Variants in TNXB observed in about 807,000 individuals in gnomAD.
The protein encoded by TNXB is tenascin-X.
Under a neutral mutation model 340.5 loss-of-function variants are expected in TNXB, and 183 were observed. The ratio of observed to expected loss-of-function variants is 0.54; its 90% CI spans 0.48 to 0.61. The LOEUF is 0.61. TNXB is among the 20% of genes least tolerant of loss of function. The pLI is 0.00. For synonymous variants in TNXB, 2,121 were observed against 2,314.5 expected, an observed-to-expected ratio of 0.92 and a Z score of 2.40; for missense variants, 4,613 against 5,446.4, an observed-to-expected ratio of 0.85 and a Z score of 4.82.
rs957607491 is a variant in TNXB, at chr6:32,073,136, C to T, written c.4681+511G>A. 3.9e-5 allele frequency among the ~76,000 whole-genome samples: 6 copies of T among 151,978 alleles called. No homozygotes were observed. The highest frequency in any genetic ancestry group is 1.5e-4 in the African/African-American group (6 of 41,358). On this transcript the variant is annotated intron_variant, in intron 12 of 43. Transcript: ENST00000644971. This position sits in a 1 kb window ranked among gnomAD's most constrained non-coding sequence, Gnocchi z 4.6. The stretch of plus-strand genomic sequence containing the variant: ...GAAGCCATGAGGGGCAGGAAGGAGC[C>T]CAGAGCAAGAGTGAGGCAGCCTCCT...
At position 32,052,815 on chromosome 6, in the gene TNXB, G is replaced by T. The variant is rs759178833; in HGVS notation, c.8970C>A (p.Asp2990Glu). 6.2e-7 allele frequency: 1 copy of T among 1,613,664 alleles called. No homozygotes were observed. Among genetic ancestry groups the T allele is most frequent in the Non-Finnish European group, 8.5e-7 (1 of 1,179,876 alleles). Reference protein sequence around the residue: ...DSFTVQYKDRDGRPQVVRVRG... With the variant: ...DSFTVQYKDREGRPQVVRVRG... ...TGACACGCACCACCTGGGGCCGCCC[G>T]TCCCTGTCCTTGTACTGCACAGTGA... The change falls in exon 26 of 44, where the codon GAC becomes GAA. Residue 2990 changes from aspartate (D) to glutamate (E), a missense_variant. Physicochemically the swap from Asp to Glu is conservative, Grantham distance 45. This residue lies in a region of TNXB where 4,327 missense variants were observed against 4,859.4 expected (regional missense o/e 0.89). Coordinates refer to ENST00000644971, the MANE Select transcript of TNXB (RefSeq NM_001365276.2). The surrounding 1 kb of genome is among the most constrained non-coding windows in gnomAD (Gnocchi z 4.7).
Position 32,056,680 on chromosome 6 carries a change from G to A in TNXB, c.8049C>T (p.Ile2683=). ...RVPGHEDGVT[I]SGLEPDHKYK... Reference sequence around the variant, plus strand: ...ATTTATGGTCTGGCTCCAGGCCTGAGATGGTGACCCCGTCCTCGTGCCCCG... The same window carrying A: ...ATTTATGGTCTGGCTCCAGGCCTGAAATGGTGACCCCGTCCTCGTGCCCCG... The change falls in exon 23 of 44, where the codon ATC becomes ATT. Residue 2683 remains isoleucine (I), a synonymous_variant. Coordinates refer to ENST00000644971, the MANE Select transcript of TNXB (RefSeq NM_001365276.2). 1 of 1,613,138 alleles carries A rather than the reference G, an allele frequency of 6.2e-7. No individual in the cohort carries two copies. Among genetic ancestry groups the A allele is most frequent in the South Asian group, 1.1e-5 (1 of 91,090 alleles).
rs41267130 is a variant in TNXB at position 32,046,128 on chromosome 6, G to A, written c.10606+47C>T. On this transcript the variant is annotated intron_variant, in intron 31 of 43. Transcript: ENST00000644971. This position sits in a 1 kb window ranked among gnomAD's most constrained non-coding sequence, Gnocchi z 6.9. Reference sequence around the variant, plus strand: ...TTTGTCTTCAGCCCAAATGCACAAGGAAACCCACACAAGCTGGCTTGCTAT... The same window carrying A: ...TTTGTCTTCAGCCCAAATGCACAAGAAAACCCACACAAGCTGGCTTGCTAT... 33 of 1,553,476 alleles carry A rather than the reference G, an allele frequency of 2.1e-5. No individual in the cohort carries two copies. The highest frequency in any genetic ancestry group is 2.7e-5 in the African/African-American group (2 of 73,842).
intron 4 of TNXB, among the ~76,000 whole-genome samples, chr6:32,092,864 C>T (rs900985867): frequency 1.3e-5 from 2 of 152,140 alleles, no homozygotes; most frequent in East Asian, 1.9e-4. Context: ...TTTCCACACC[C>T]AGGCTCAGAG....
intron 1 of TNXB, among the ~76,000 whole-genome samples, chr6:32,101,588 C>CTTTTTT (rs58601681): frequency 7.9e-6 from 1 of 126,220 alleles, no homozygotes; most frequent in Admixed American, 8.1e-5. Flanking sequence ...CGCACCCAGC[C>CTTTTTT]TTTTTTTTTT....
intron 23 of TNXB, 63 bp from the exon 24 acceptor site, chr6:32,056,237 G>T: frequency 6.5e-7 from 1 of 1,543,534 alleles, no homozygotes. Context: ...GTCTTCAAGG[G>T]AAGGAGGGAG....
At chr6:32,050,425 C>G in intron 26 of TNXB, 104 bp from the exon 27 acceptor site, 1 of 1,411,510 alleles carries the variant, frequency 7.1e-7, no homozygotes, top group Non-Finnish European at 9.7e-7. Context: ...ACGATGCTGC[C>G]CACAGCGCCT....
At chr6:32,088,675 A>C in intron 6 of TNXB, 110 bp downstream of exon 6, 1 of 1,451,346 alleles carries the variant, frequency 6.9e-7, no homozygotes, top group Non-Finnish European at 9.2e-7. Context: ...ACTGCCACAC[A>C]CCTGCCAGAA....
Position 32,087,949 on chromosome 6 carries a change from G to A in TNXB, c.2779+836C>T. 3.2e-6 allele frequency: 1 copy of A among 310,076 alleles called. No homozygotes were observed. Among genetic ancestry groups the A allele is most frequent in the Non-Finnish European group, 6.3e-6 (1 of 159,768 alleles). 19.2% of individuals were successfully genotyped at this position (310,076 alleles called of 1,614,324 possible). A position where few individuals can be genotyped will look rare whatever the true frequency, so the allele number is the denominator to read the frequency against. On this transcript the variant is annotated intron_variant, in intron 6 of 43. Transcript: ENST00000644971. The surrounding 1 kb of genome is among the most constrained non-coding windows in gnomAD (Gnocchi z 9.0). ...TGGCCGGGGCCGGGACTTGGGGGGC[G>A]GGGCTGGGGGGCGCACCTCCGGGTA...
At position 32,097,324 on chromosome 6, in the gene TNXB, G is replaced by A. The variant is rs369052118; in HGVS notation, c.529C>T (p.Pro177Ser). The change falls in exon 3 of 44, where the codon CCC becomes TCC. Residue 177 changes from proline to serine, a missense_variant. This residue lies in a region of TNXB where 4,327 missense variants were observed against 4,859.4 expected (regional missense o/e 0.89). Transcript: ENST00000644971. The surrounding 1 kb of genome is among the most constrained non-coding windows in gnomAD (Gnocchi z 5.9). ...CCCGAGGCTGAGGGTGGGGAAGAGG[G>A]AGGGATCTCAGCATCTGTGGGGTCT... Reference protein sequence around the residue: ...CSDPTDAEIPPSSPPSASGSC... With the variant: ...CSDPTDAEIPSSSPPSASGSC... 144 of 1,613,486 alleles carry A rather than the reference G, an allele frequency of 8.9e-5. No homozygotes were observed. Among genetic ancestry groups the A allele is most frequent in the Non-Finnish European group, 1.1e-4 (130 of 1,179,878 alleles).
In TNXB at chr6:32,047,558, G is replaced by A. The variant is rs980859401; in HGVS notation, c.10324+176C>T. ...TTTCCTCAGCAGTCAGCGAATGAAA[G>A]GAAGTAATGCATATGCTTCAGAACT... On this transcript the variant is annotated intron_variant, in intron 30 of 43. Coordinates refer to ENST00000644971, the MANE Select transcript of TNXB (RefSeq NM_001365276.2). This position sits in a 1 kb window ranked among gnomAD's most constrained non-coding sequence, Gnocchi z 6.2. Among the ~76,000 whole-genome samples, 1 of 152,168 alleles carries A rather than the reference G, an allele frequency of 6.6e-6. No individual in the cohort carries two copies. Among genetic ancestry groups the A allele is most frequent in the Non-Finnish European group, 1.5e-5 (1 of 68,016 alleles).
chr6:32,094,784 T>C (rs1265739902), intron 4 of TNXB, among the ~76,000 whole-genome samples: 1 of 152,186 alleles, frequency 6.6e-6, no homozygotes, highest in African/African-American at 2.4e-5. Context: ...AGACGGATTC[T>C]GCAACAATGA....
chr6:32,048,327 G>T, intron 29 of TNXB, 36 bp downstream of exon 29: 2 of 1,474,682 alleles, frequency 1.4e-6, no homozygotes, highest in African/African-American at 2.8e-5. Context: ...AGGGGGCGAA[G>T]GCTCTGGCCG....
In TNXB at chr6:32,067,827, G is replaced by C. The variant is rs536003119; in HGVS notation, c.6378C>G (p.Thr2126=). Residue 2126 remains threonine (T), a synonymous_variant, in exon 18 of 44, where the codon ACC becomes ACG. Transcript: ENST00000644971. This position sits in a 1 kb window ranked among gnomAD's most constrained non-coding sequence, Gnocchi z 4.2. ...GCCCGTCCCTGTCCTTGTACTGCAC[G>C]GTGAAGGAGTCGAAGCGGCCCTGGG... The part of the protein sequence containing the change: ...TVPQGRFDSF[T]VQYKDRDGRP... 8 of 1,613,250 alleles carry C rather than the reference G, an allele frequency of 5.0e-6. No individual in the cohort carries two copies. In the African/African-American group the frequency reaches 8.0e-5, roughly 16 times the overall value.
chr6:32,055,709 A>G (rs1227835094), intron 24 of TNXB, 142 bp downstream of exon 24: 1 of 1,261,200 alleles, frequency 7.9e-7, no homozygotes, highest in African/African-American at 1.5e-5. Context: ...AAACCTGTTG[A>G]ACCCCAATCT....
In TNXB at chr6:32,041,190, C is replaced by G. The variant is rs564636162; in HGVS notation, c.*159G>C. 1.0e-3 allele frequency: 1,080 copies of G among 1,058,822 alleles called. 6 individuals carry two copies. In the African/African-American group the frequency reaches 0.014, roughly 13 times the overall value. The allele number at this position is 1,058,822 out of a possible 1,614,324, so 65.6% of individuals were successfully genotyped here. On this transcript the variant is annotated 3_prime_UTR_variant, in exon 44 of 44. Coordinates refer to ENST00000644971, the MANE Select transcript of TNXB (RefSeq NM_001365276.2). ...CAGTTTCTCCTTTATTGCTCCCGTA[C>G]GAACCCCTCCCCTCCCCCCTGTAAA...
chr6:32,050,218 G>T lies in TNXB; in HGVS notation c.9219C>A (p.Pro3073=), dbSNP rs367937124. The T allele has an allele frequency of 3.6e-5, 58 of 1,613,590 alleles. No homozygotes were observed. Among genetic ancestry groups the T allele is most frequent in the Non-Finnish European group, 4.4e-5 (52 of 1,179,858 alleles). The change falls in exon 27 of 44, where the codon CCC becomes CCA. Residue 3073 remains proline (P), a synonymous_variant. Coordinates refer to ENST00000644971, the MANE Select transcript of TNXB (RefSeq NM_001365276.2). ...CCATCCAGGACAGGCTGAGGGAGTC[G>T]GGGGTGGCATCTGTCACGGTCAGCT... ...LGELTVTDAT[P]DSLSLSWMVP...
chr6:32,055,720 G>T, intron 24 of TNXB, 131 bp downstream of exon 24: 1 of 1,338,466 alleles, frequency 7.5e-7, no homozygotes. Context: ...ACCCCAATCT[G>T]CCTCTTAGCA....
At position 32,099,726 on chromosome 6, in the gene TNXB, G is replaced by GA. The variant is rs72548029; in HGVS notation, c.-8-1521dup. Among the ~76,000 whole-genome samples the GA allele has an allele frequency of 6.0e-3, 760 of 126,450 alleles. 3 individuals are homozygous for GA. Among genetic ancestry groups the GA allele is most frequent in the African/African-American group, 0.013 (448 of 33,730 alleles). 83.0% of individuals were successfully genotyped at this position (126,450 alleles called of 152,430 possible). On this transcript the variant is annotated intron_variant, in intron 1 of 43. Coordinates refer to ENST00000644971, the MANE Select transcript of TNXB (RefSeq NM_001365276.2). ...GATCCTTGCTCAAATATCTCCAATT[G>GA]AAAAAAAAAAAACAAAAATCCTCTT...
Sources: allele counts gnomAD v4.1 joint callset (sites outside exome capture counted in the v4.1 genomes callset), GRCh38; gene constraint gnomAD v4.1.1; regional missense constraint gnomAD v4.1.1; non-coding constraint Gnocchi (gnomAD v3.1); transcripts MANE v1.5; gene names NCBI Gene and HGNC (gene_info 2026-07-23, HGNC 2026-07-21).